ELK3: variants seen among roughly 807,000 people sequenced by gnomAD.
ELK3 encodes the protein ETS domain-containing protein Elk-3.
ELK3 carries 10 observed loss-of-function variants against 28.9 expected under a neutral mutation model. The observed-to-expected ratio is 0.35, with a 90% CI of 0.21 to 0.59. The LOEUF is 0.59. ELK3 is among the 20% of genes least tolerant of loss of function. The pLI is 0.82. For synonymous variants in ELK3, 272 were observed against 243.5 expected, an observed-to-expected ratio of 1.12 and a Z score of -1.09; for missense variants, 463 against 517.3, an observed-to-expected ratio of 0.90 and a Z score of 1.02.
chr12:96,230,334 G>A (rs993235863), intron 2 of ELK3, among the ~76,000 whole-genome samples: 6 of 152,168 alleles, frequency 3.9e-5, no homozygotes, highest in African/African-American at 1.4e-4. Context: ...TCAGAACGTA[G>A]CCTCATCGTT....
At chr12:96,259,709 G>C in intron 3 of ELK3, 22 bp from the exon 4 acceptor site, 1 of 1,604,100 alleles carries the variant, frequency 6.2e-7, no homozygotes, top group African/African-American at 1.3e-5. Flanking sequence ...ATATGAAGAA[G>C]TCTGTTTGCT....
At chr12:96,256,665 C>G (rs932897431) in intron 3 of ELK3, among the ~76,000 whole-genome samples, 1 of 152,212 alleles carries the variant, frequency 6.6e-6, no homozygotes, top group Admixed American at 6.5e-5. Context: ...ATGTGCCAAT[C>G]ACCATAATAG....
chr12:96,199,387 AG>A (rs1412397162), intron 1 of ELK3, among the ~76,000 whole-genome samples: 1 of 152,056 alleles, frequency 6.6e-6, no homozygotes, highest in African/African-American at 2.4e-5. Flanking sequence ...CTTTGAATTG[AG>A]GTCATTCAGC....
intron 1 of ELK3, among the ~76,000 whole-genome samples, chr12:96,210,597 A>ACACACACCCCC (rs1416746905): frequency 3.1e-4 from 46 of 149,052 alleles, no homozygotes; most frequent in Admixed American, 2.9e-3. Context: ...ACACACACAC[A>ACACACACCCCC]CCCCGAGTGG....
chr12:96,264,224 GTCC>G (rs1952013540), intron 4 of ELK3, among the ~76,000 whole-genome samples: 1 of 152,134 alleles, frequency 6.6e-6, no homozygotes, highest in Non-Finnish European at 1.5e-5. Flanking sequence ...GGCTCGAGCA[GTCC>G]TCCTGCTTTA....
chr12:96,207,630 C>T (rs1255739264), intron 1 of ELK3, among the ~76,000 whole-genome samples: 4 of 152,318 alleles, frequency 2.6e-5, no homozygotes, highest in Middle Eastern at 3.4e-3. Flanking sequence ...CTCTGTAAGG[C>T]AGCTCTTTGT....
Position 96,259,626 on chromosome 12 carries a change from T to C in ELK3, c.1003-105T>C, listed in dbSNP as rs553234932. 1.1e-5 allele frequency: 15 copies of C among 1,324,292 alleles called. No individual in the cohort carries two copies. In the East Asian group the frequency reaches 3.7e-4, roughly 33 times the overall value. The allele number at this position is 1,324,292 out of a possible 1,614,324, so 82.0% of individuals were successfully genotyped here. On this transcript the variant is annotated intron_variant, in intron 3 of 4. Transcript: ENST00000228741. ...AGTTTTCCTGAGATGGTAAGGTCGT[T>C]TCCTGGCCCATGCCTAGCCTACCTA...
intron 4 of ELK3, among the ~76,000 whole-genome samples, chr12:96,260,544 A>G (rs572843899): frequency 6.6e-6 from 1 of 152,088 alleles, no homozygotes. Context: ...ATCTTATAGA[A>G]CTCTCCATAC....
intron 1 of ELK3, among the ~76,000 whole-genome samples, chr12:96,197,129 G>A (rs866532398): frequency 1.3e-5 from 2 of 152,128 alleles, no homozygotes; most frequent in South Asian, 4.1e-4. Context: ...ACTCTCTCCA[G>A]AGTACATTTC....
intron 1 of ELK3, among the ~76,000 whole-genome samples, chr12:96,206,358 C>G: frequency 6.6e-6 from 1 of 151,282 alleles, no homozygotes. Flanking sequence ...ACTCTGTTGT[C>G]CAGGCTGGAG....
intron 1 of ELK3, among the ~76,000 whole-genome samples, chr12:96,223,159 A>G (rs192874358): frequency 5.6e-4 from 86 of 152,294 alleles, no homozygotes; most frequent in Non-Finnish European, 1.1e-3. Flanking sequence ...CACACATCCA[A>G]ACTATATCAC....
Position 96,199,732 on chromosome 12 carries a change from C to G in ELK3, c.-3+5027C>G, listed in dbSNP as rs564372141. Among the ~76,000 whole-genome samples, 8 of 152,268 alleles carry G rather than the reference C, an allele frequency of 5.3e-5. No individual in the cohort carries two copies. In the East Asian group the frequency reaches 1.5e-3, roughly 29 times the overall value. On this transcript the variant is annotated intron_variant, in intron 1 of 4. Coordinates refer to ENST00000228741, the MANE Select transcript of ELK3 (RefSeq NM_005230.4). The stretch of plus-strand genomic sequence containing the variant: ...AATTGTGATTTGGTTTGAATTCCCA[C>G]TAGGAATAAAGTCATTGACTACTTT...
intron 4 of ELK3, among the ~76,000 whole-genome samples, chr12:96,266,212 G>T (rs951188113): frequency 6.6e-6 from 1 of 152,170 alleles, no homozygotes; most frequent in African/African-American, 2.4e-5. Flanking sequence ...AGTATTTGTT[G>T]TACTTCTAAC....
At chr12:96,253,747 C>G (rs1011887427) in intron 3 of ELK3, among the ~76,000 whole-genome samples, 1 of 152,206 alleles carries the variant, frequency 6.6e-6, no homozygotes, top group African/African-American at 2.4e-5. Context: ...ATCACCAAAT[C>G]AAGTGATCAG....
chr12:96,242,489 G>A (rs1202826251), intron 2 of ELK3, among the ~76,000 whole-genome samples: 1 of 152,216 alleles, frequency 6.6e-6, no homozygotes, highest in Non-Finnish European at 1.5e-5. Flanking sequence ...CTGACACTGA[G>A]TCTTCTCAGC....
intron 2 of ELK3, among the ~76,000 whole-genome samples, chr12:96,232,527 C>T (rs748663443): frequency 3.3e-5 from 5 of 149,278 alleles, no homozygotes; most frequent in Admixed American, 6.8e-5. Flanking sequence ...GCCGAGATCA[C>T]ATCACTGCAC....
chr12:96,205,232 T>G (rs1032655840), intron 1 of ELK3, among the ~76,000 whole-genome samples: 2 of 152,194 alleles, frequency 1.3e-5, no homozygotes, highest in South Asian at 4.1e-4. Context: ...GAAGAAAGCA[T>G]AGATTCCTGA....
intron 1 of ELK3, among the ~76,000 whole-genome samples, chr12:96,220,714 G>C (rs1038778923): frequency 2.0e-5 from 3 of 152,060 alleles, no homozygotes; most frequent in African/African-American, 7.2e-5. Flanking sequence ...TTGAACACAA[G>C]CTCTAGAGCA....
chr12:96,219,502 G>A (rs1312896643), intron 1 of ELK3, among the ~76,000 whole-genome samples: 1 of 152,186 alleles, frequency 6.6e-6, no homozygotes, highest in African/African-American at 2.4e-5. Flanking sequence ...TGTGAAAATA[G>A]TTGTGTAAAT....
Sources: allele counts gnomAD v4.1 joint callset (sites outside exome capture counted in the v4.1 genomes callset), GRCh38; gene constraint gnomAD v4.1.1; transcripts MANE v1.5; gene names NCBI Gene and HGNC (gene_info 2026-07-23, HGNC 2026-07-21).